The following TEX9 variants were observed in gnomAD, a reference collection of about 807,000 sequenced individuals.
TEX9 encodes the protein testis-expressed protein 9.
A neutral mutation model predicts 59.6 loss-of-function variants in TEX9; 74 were observed. The observed-to-expected ratio is 1.24, with a 90% CI of 1.03 to 1.51. TEX9 has a LOEUF of 1.51. TEX9 is among the 40% of genes most tolerant of loss of function. TEX9 has a pLI of 0.00. For missense variants in TEX9, 522 were observed against 447.8 expected, an observed-to-expected ratio of 1.17 and a Z score of -1.49; for synonymous variants, 186 against 152.2, an observed-to-expected ratio of 1.22 and a Z score of -1.64.
At chr15:56,392,958 G>A (rs2048288475) in intron 7 of TEX9, among the ~76,000 whole-genome samples, 1 of 152,104 alleles carries the variant, frequency 6.6e-6, no homozygotes, top group African/African-American at 2.4e-5. Flanking sequence ...GCTTGGAATG[G>A]TTTGGTTATG....
chr15:56,279,754 C>G (rs1371642267), intron 1 of TEX9, among the ~76,000 whole-genome samples: 1 of 152,156 alleles, frequency 6.6e-6, no homozygotes, highest in Non-Finnish European at 1.5e-5. Context: ...TTTTGCCTTA[C>G]TCCAAAGTAC....
At chr15:56,253,835 A>T (rs1352767588) in intron 1 of TEX9, among the ~76,000 whole-genome samples, 2 of 147,042 alleles carry the variant, frequency 1.4e-5, no homozygotes, top group African/African-American at 2.7e-5. Flanking sequence ...AAAGAACATT[A>T]AAAAAAAATG....
At chr15:56,426,587 GTGTATATATATATATATA>G (rs2050266357) in intron 10 of TEX9, among the ~76,000 whole-genome samples, 3 of 8,210 alleles carry the variant, frequency 3.7e-4, no homozygotes, top group Non-Finnish European at 8.1e-4. Context: ...TTTTGAAAAG[GTGTATATATATATATATA>G]TATATATATA....
intron 1 of TEX9, among the ~76,000 whole-genome samples, chr15:56,309,667 ATCTGGG>A: frequency 7.6e-6 from 1 of 130,878 alleles, no homozygotes; most frequent in Non-Finnish European, 1.6e-5. Context: ...TTGGTAAAGC[ATCTGGG>A]CCTGGGATTT....
chr15:56,249,412 A>T (rs1463220088), intron 1 of TEX9, among the ~76,000 whole-genome samples: 1 of 138,404 alleles, frequency 7.2e-6, no homozygotes, highest in Non-Finnish European at 1.6e-5. Context: ...AGATGTTGCT[A>T]GGGGGTTAAA....
intron 3 of TEX9, among the ~76,000 whole-genome samples, chr15:56,376,385 T>C (rs2047454249): frequency 6.6e-6 from 1 of 152,208 alleles, no homozygotes; most frequent in Non-Finnish European, 1.5e-5. Flanking sequence ...GTACTAGGGT[T>C]CCCTTTCTCT....
At chr15:56,361,038 AT>A (rs1333984823), upstream of TEX9, among the ~76,000 whole-genome samples, 2 of 152,188 alleles carry the variant, frequency 1.3e-5, no homozygotes, top group Non-Finnish European at 2.9e-5. Context: ...ACCTGTGAGT[AT>A]AATAAATGTT....
intron 9 of TEX9, among the ~76,000 whole-genome samples, chr15:56,399,687 A>G (rs1337813654): frequency 3.9e-5 from 6 of 152,114 alleles, no homozygotes; most frequent in Non-Finnish European, 8.8e-5. Context: ...TGTGTATCCT[A>G]ACTGTGACAC....
At chr15:56,340,471 T>G (rs2046351480) in intron 1 of TEX9, among the ~76,000 whole-genome samples, 1 of 152,228 alleles carries the variant, frequency 6.6e-6, no homozygotes, top group African/African-American at 2.4e-5. Context: ...ATTAGTTAAC[T>G]GTTGAATTTT....
intron 1 of TEX9, among the ~76,000 whole-genome samples, chr15:56,326,673 T>G (rs2046026133): frequency 6.6e-6 from 1 of 152,134 alleles, no homozygotes; most frequent in Admixed American, 6.5e-5. Flanking sequence ...AAGCCAGCTG[T>G]CAGGGTGGGC....
intron 10 of TEX9, among the ~76,000 whole-genome samples, chr15:56,425,907 C>A (rs1386170995): frequency 2.6e-5 from 4 of 152,170 alleles, no homozygotes. Context: ...GAGGTCCTCT[C>A]AAACCTTTCT....
At chr15:56,298,243 A>G (rs138602443) in intron 1 of TEX9, among the ~76,000 whole-genome samples, 40 of 152,374 alleles carry the variant, frequency 2.6e-4, no homozygotes, top group African/African-American at 9.4e-4. Context: ...CTTGATATTA[A>G]CAAGGAAAAT....
At chr15:56,261,708 G>A (rs1392489605) in intron 1 of TEX9, among the ~76,000 whole-genome samples, 7 of 151,586 alleles carry the variant, frequency 4.6e-5, no homozygotes, top group African/African-American at 1.7e-4. Context: ...TAGAGCGAGA[G>A]ACTGTCTCAA....
At chr15:56,421,720 G>C (rs1023945582) in intron 10 of TEX9, 3 of 151,478 alleles carry the variant, frequency 2.0e-5, no homozygotes, top group Non-Finnish European at 4.4e-5. Context: ...TGCGGTGTTT[G>C]GTTTTTTGTT....
chr15:56,334,856 G>A (rs2046229369), intron 1 of TEX9, among the ~76,000 whole-genome samples: 1 of 152,108 alleles, frequency 6.6e-6, no homozygotes, highest in African/African-American at 2.4e-5. Flanking sequence ...GATCTGAATA[G>A]ACATTTCTCA....
intron 1 of TEX9, among the ~76,000 whole-genome samples, chr15:56,307,972 A>G (rs2045521635): frequency 6.6e-6 from 1 of 152,182 alleles, no homozygotes; most frequent in African/African-American, 2.4e-5. Flanking sequence ...TTGTTTATCC[A>G]TTCAGTAGTT....
chr15:56,407,049 T>C (rs1470227031), intron 9 of TEX9, among the ~76,000 whole-genome samples: 3 of 152,044 alleles, frequency 2.0e-5, no homozygotes, highest in Non-Finnish European at 4.4e-5. Flanking sequence ...TCATGAGACT[T>C]TTCTCCTGAT....
At chr15:56,391,979 A>G (rs911060636) in intron 7 of TEX9, among the ~76,000 whole-genome samples, 2 of 152,146 alleles carry the variant, frequency 1.3e-5, no homozygotes, top group African/African-American at 4.8e-5. Context: ...ATTTTGATCA[A>G]CTGAAAACAT....
chr15:56,296,815 A>G (rs1380306124), intron 1 of TEX9, among the ~76,000 whole-genome samples: 1 of 152,142 alleles, frequency 6.6e-6, no homozygotes, highest in East Asian at 1.9e-4. Context: ...CAATTATTCT[A>G]CTTTTTTTTC....
Sources: gnomAD v4.1 joint callset for allele counts (sites outside exome capture counted in the v4.1 genomes callset) on GRCh38, gnomAD v4.1.1 for gene constraint, MANE v1.5 for transcripts, NCBI Gene and HGNC (gene_info 2026-07-23, HGNC 2026-07-21) for gene names.